The following RP1 variants were observed in gnomAD, a reference collection of about 807,000 sequenced individuals.
The protein encoded by RP1 is RP1 axonemal microtubule associated.
In RP1, 16 loss-of-function variants were observed where a neutral mutation model predicts 14.8. That is an observed-to-expected ratio of 1.08 (90% confidence interval 0.73 to 1.65). The LOEUF (loss-of-function observed/expected upper bound fraction) is 1.65, where lower values mean the gene tolerates loss of function less well. Ranked by LOEUF, RP1 falls within the 40% of genes most tolerant of loss-of-function variation. The pLI is 0.00. For missense variants in RP1, 2,631 were observed against 2,535.0 expected, an observed-to-expected ratio of 1.04 and a Z score of -0.81; for synonymous variants, 876 against 883.6, an observed-to-expected ratio of 0.99 and a Z score of 0.15.
At chr8:54,578,155 A>G (rs1357684021) in intron 1 of RP1, among the ~76,000 whole-genome samples, 1 of 151,770 alleles carries the variant, frequency 6.6e-6, no homozygotes, top group African/African-American at 2.4e-5. Flanking sequence ...AACATTTTCT[A>G]ATTATAGAGC....
intron 24 of RP1, among the ~76,000 whole-genome samples, chr8:54,800,986 T>C (rs1044502678): frequency 2.0e-5 from 3 of 152,210 alleles, no homozygotes; most frequent in African/African-American, 7.2e-5. Context: ...CTGTTGATAA[T>C]TGGAGATAAG....
intron 3 of RP1, among the ~76,000 whole-genome samples, chr8:54,623,271 C>A (rs1026273521): frequency 1.3e-5 from 2 of 151,950 alleles, no homozygotes; most frequent in Non-Finnish European, 2.9e-5. Flanking sequence ...ATACAGATTG[C>A]CGAGTATGGT....
intron 1 of RP1, among the ~76,000 whole-genome samples, chr8:54,607,543 C>T (rs1175026413): frequency 6.6e-6 from 1 of 152,198 alleles, no homozygotes; most frequent in African/African-American, 2.4e-5. Flanking sequence ...CAGTTGCATG[C>T]TGGGAGAACC....
chr8:54,819,821 T>C (rs1009144904), intron 24 of RP1, among the ~76,000 whole-genome samples: 1 of 152,106 alleles, frequency 6.6e-6, no homozygotes. Context: ...CACTTTCCCC[T>C]AAACAGAAAA....
intron 28 of RP1, among the ~76,000 whole-genome samples, chr8:54,869,016 A>T (rs2129330910): frequency 6.6e-6 from 1 of 152,276 alleles, no homozygotes; most frequent in African/African-American, 2.4e-5. Context: ...CTTTCCAAGG[A>T]ATAGGCTTCA....
chr8:54,756,207 C>A (rs1432645339), intron 21 of RP1, among the ~76,000 whole-genome samples: 1 of 152,166 alleles, frequency 6.6e-6, no homozygotes, highest in African/African-American at 2.4e-5. Context: ...GTGTTATTTT[C>A]ACACCTAAGC....
chr8:54,679,049 G>A (rs384543), intron 9 of RP1, among the ~76,000 whole-genome samples: 106,089 of 151,840 alleles, frequency 0.7, 37,449 homozygotes, highest in Middle Eastern at 0.84. Context: ...GGAACCCATA[G>A]TAACCATTTA....
At chr8:54,821,547 A>G (rs1031102520) in intron 24 of RP1, among the ~76,000 whole-genome samples, 1 of 152,160 alleles carries the variant, frequency 6.6e-6, no homozygotes, top group Admixed American at 6.5e-5. Context: ...GGGTACTCTG[A>G]TATGTAGAAA....
upstream of RP1, among the ~76,000 whole-genome samples, chr8:54,615,595 T>C (rs1458483134): frequency 6.6e-6 from 1 of 152,212 alleles, no homozygotes; most frequent in East Asian, 1.9e-4. Flanking sequence ...CTGCTTCTGC[T>C]GTTTGTCCTG....
intron 15 of RP1, among the ~76,000 whole-genome samples, chr8:54,712,422 C>T (rs886705907): frequency 1.3e-5 from 2 of 152,172 alleles, no homozygotes; most frequent in Non-Finnish European, 2.9e-5. Flanking sequence ...CCTAGCTCTT[C>T]ACTGGGATTG....
intron 7 of RP1, among the ~76,000 whole-genome samples, chr8:54,668,785 C>T (rs1245934899): frequency 6.6e-6 from 1 of 152,154 alleles, no homozygotes; most frequent in Admixed American, 6.6e-5. Context: ...AAAGGATTCC[C>T]TATTTAATAA....
At chr8:54,665,692 T>C (rs1359222324) in intron 7 of RP1, among the ~76,000 whole-genome samples, 1 of 152,158 alleles carries the variant, frequency 6.6e-6, no homozygotes, top group Admixed American at 6.6e-5. Flanking sequence ...CCCAGTTTCA[T>C]CAGTTCTTAG....
intron 1 of RP1, among the ~76,000 whole-genome samples, chr8:54,600,859 A>G (rs1585539591): frequency 6.6e-6 from 1 of 152,174 alleles, no homozygotes; most frequent in African/African-American, 2.4e-5. Context: ...TGGCTTCTCT[A>G]GCACCTAGTT....
chr8:54,670,540 T>C (rs13257853), intron 7 of RP1, among the ~76,000 whole-genome samples: 12 of 123,952 alleles, frequency 9.7e-5, no homozygotes, highest in East Asian at 2.5e-4. Flanking sequence ...TATACATATA[T>C]ATGTATGTAT....
At chr8:54,783,435 T>C (rs1046589882) in intron 23 of RP1, 1 of 501,378 alleles carries the variant, frequency 2.0e-6, no homozygotes, top group East Asian at 3.5e-5. Context: ...AGTACTTGAT[T>C]TCACGAACTA....
intron 1 of RP1, among the ~76,000 whole-genome samples, chr8:54,606,891 C>T (rs2129307831): frequency 6.6e-6 from 1 of 152,310 alleles, no homozygotes; most frequent in East Asian, 1.9e-4. Context: ...GTTTTCAGCT[C>T]CATCAGGTCC....
chr8:54,737,831 G>A (rs1324336881), intron 18 of RP1, among the ~76,000 whole-genome samples: 1 of 152,084 alleles, frequency 6.6e-6, no homozygotes, highest in African/African-American at 2.4e-5. Flanking sequence ...GCTCTTTCAG[G>A]GTCTAGTCCA....
chr8:54,695,705 G>A (rs1807842904), intron 12 of RP1, among the ~76,000 whole-genome samples: 1 of 152,068 alleles, frequency 6.6e-6, no homozygotes, highest in South Asian at 2.1e-4. Flanking sequence ...TTTTATTGAT[G>A]AGGAAATTGA....
chr8:54,825,409 C>T (rs1811365700), intron 24 of RP1, among the ~76,000 whole-genome samples: 1 of 152,164 alleles, frequency 6.6e-6, no homozygotes, highest in African/African-American at 2.4e-5. Flanking sequence ...TTCTTGGGCA[C>T]GTATTATTGT....
Sources: gnomAD v4.1 joint callset for allele counts (sites outside exome capture counted in the v4.1 genomes callset) on GRCh38, gnomAD v4.1.1 for gene constraint, MANE v1.5 for transcripts, NCBI Gene and HGNC (gene_info 2026-07-23, HGNC 2026-07-21) for gene names.